GTF2A1: variants seen among roughly 807,000 people sequenced by gnomAD.
The protein encoded by GTF2A1 is general transcription factor IIA subunit 1.
A neutral mutation model predicts 54.1 loss-of-function variants in GTF2A1; 12 were observed. The ratio of observed to expected loss-of-function variants is 0.22; its 90% CI spans 0.14 to 0.36. The LOEUF (loss-of-function observed/expected upper bound fraction) is 0.36, where lower values mean the gene tolerates loss of function less well. GTF2A1 is among the 10% of genes least tolerant of loss of function. The pLI is 1.00. For synonymous variants in GTF2A1, 145 were observed against 152.0 expected, an observed-to-expected ratio of 0.95 and a Z score of 0.34; for missense variants, 335 against 442.2, an observed-to-expected ratio of 0.76 and a Z score of 2.17.
rs1053929040 is a variant in GTF2A1, at chr14:81,177,784, A to G, written c.*2439T>C. The G allele has an allele frequency of 6.6e-6, 1 of 152,164 alleles. No homozygotes were observed. The highest frequency in any genetic ancestry group is 1.5e-5 in the Non-Finnish European group (1 of 67,990). The allele number at this position is 152,164 out of a possible 1,614,324, so 9.4% of individuals were successfully genotyped here. On this transcript the variant is annotated 3_prime_UTR_variant, in exon 9 of 9. Coordinates refer to ENST00000553612, the MANE Select transcript of GTF2A1 (RefSeq NM_015859.4). Reference sequence around the variant, plus strand: ...TGTTAAAAGCATGATTAAGAATTCAAGTACAATAAAAGATAAGCAAGTGAC... The same window carrying G: ...TGTTAAAAGCATGATTAAGAATTCAGGTACAATAAAAGATAAGCAAGTGAC...
rs1054442442 is a variant in GTF2A1, at chr14:81,179,918, A to G, written c.*305T>C. The G allele has an allele frequency of 1.6e-5, 3 of 184,304 alleles. No homozygotes were observed. The highest frequency in any genetic ancestry group is 3.4e-5 in the Non-Finnish European group (3 of 89,382). The allele number at this position is 184,304 out of a possible 1,614,324, so 11.4% of individuals were successfully genotyped here. Reference sequence around the variant, plus strand: ...TTGAACCCAAGTTGGAGGAAGGAATATAGACAAAGCTTTACATGCTAATTA... The same window carrying G: ...TTGAACCCAAGTTGGAGGAAGGAATGTAGACAAAGCTTTACATGCTAATTA... On this transcript the variant is annotated 3_prime_UTR_variant, in exon 9 of 9. Coordinates refer to ENST00000553612, the MANE Select transcript of GTF2A1 (RefSeq NM_015859.4).
intron 4 of GTF2A1, 80 bp from the exon 5 acceptor site, chr14:81,197,564 G>C (rs950988792): frequency 2.3e-5 from 18 of 773,836 alleles, no homozygotes; most frequent in Non-Finnish European, 3.6e-5. Context: ...AATAGTGTAT[G>C]AAACTTTTTG....
At position 81,195,400 on chromosome 14, in the gene GTF2A1, G is replaced by A. The variant is rs536662035; in HGVS notation, c.612+708C>T. Among the ~76,000 whole-genome samples, 6 of 151,768 alleles carry A rather than the reference G, an allele frequency of 4.0e-5. No homozygotes were observed. In the East Asian group the frequency reaches 7.8e-4, roughly 20 times the overall value. The stretch of plus-strand genomic sequence containing the variant: ...TGTAATCCCAGCACTTTGGGAGGCC[G>A]AGGCGGGTGGATCACAAGGTAAGGA... On this transcript the variant is annotated intron_variant, in intron 6 of 8. Transcript: ENST00000553612.
chr14:81,209,342 A>T (rs531021022), intron 2 of GTF2A1, among the ~76,000 whole-genome samples: 16 of 152,156 alleles, frequency 1.1e-4, no homozygotes, highest in Admixed American at 8.5e-4. Context: ...AGAGCCTTTC[A>T]CTTCCCACTA....
chr14:81,191,065 A>G (rs1419641417), intron 7 of GTF2A1, among the ~76,000 whole-genome samples: 1 of 152,166 alleles, frequency 6.6e-6, no homozygotes, highest in Non-Finnish European at 1.5e-5. Context: ...TTCTATACAA[A>G]ACACAAATAT....
At chr14:81,212,170 C>T (rs1893385937) in intron 2 of GTF2A1, among the ~76,000 whole-genome samples, 1 of 151,964 alleles carries the variant, frequency 6.6e-6, no homozygotes, top group South Asian at 2.1e-4. Flanking sequence ...AGATATACTT[C>T]CAATTGAGGC....
intron 8 of GTF2A1, among the ~76,000 whole-genome samples, chr14:81,181,327 T>C (rs973153873): frequency 2.0e-5 from 3 of 149,476 alleles, no homozygotes; most frequent in Non-Finnish European, 4.4e-5. Context: ...CCCTATTCTA[T>C]GATCTAAAGG....
At chr14:81,213,709 T>A (rs1027753418) in intron 2 of GTF2A1, among the ~76,000 whole-genome samples, 2 of 152,214 alleles carry the variant, frequency 1.3e-5, no homozygotes, top group Non-Finnish European at 2.9e-5. Flanking sequence ...TTAGCACTCT[T>A]ACACTTGTAT....
intron 3 of GTF2A1, among the ~76,000 whole-genome samples, 162 bp downstream of exon 3, chr14:81,203,737 AG>A (rs1384146560): frequency 5.3e-5 from 8 of 152,198 alleles, no homozygotes; most frequent in Non-Finnish European, 1.0e-4. Flanking sequence ...GCCAAGAGAA[AG>A]GGGGGAAAAA....
intron 8 of GTF2A1, among the ~76,000 whole-genome samples, chr14:81,184,982 A>C (rs1258434727): frequency 6.6e-6 from 1 of 152,206 alleles, no homozygotes; most frequent in Non-Finnish European, 1.5e-5. Context: ...GAAAATAAGG[A>C]ATCAATGGCT....
In GTF2A1 at chr14:81,203,807, AG is replaced by A. The variant is rs1336179709; in HGVS notation, c.337+92del. The A allele has an allele frequency of 5.3e-6, 6 of 1,125,642 alleles. No homozygotes were observed. The African/African-American group carries it at 9.2e-5, about 17-fold the overall frequency. 69.7% of individuals were successfully genotyped at this position (1,125,642 alleles called of 1,614,324 possible). On this transcript the variant is annotated intron_variant, in intron 3 of 8. Transcript: ENST00000553612. ...TTAGGTTCTCCATGTGCCCCTTAAA[AG>A]ACAAGATCCAAAAAATGCAGAATAT...
chr14:81,201,941 C>T (rs1893121130), intron 3 of GTF2A1, among the ~76,000 whole-genome samples: 1 of 152,086 alleles, frequency 6.6e-6, no homozygotes, highest in African/African-American at 2.4e-5. Flanking sequence ...GGGTGGATCA[C>T]TTGAGGTCAG....
chr14:81,211,253 C>T (rs1232748355), intron 2 of GTF2A1, among the ~76,000 whole-genome samples: 2 of 152,172 alleles, frequency 1.3e-5, no homozygotes, highest in African/African-American at 4.8e-5. Context: ...CCTCACTTGC[C>T]TCCCTTTAAT....
intron 7 of GTF2A1, among the ~76,000 whole-genome samples, chr14:81,186,720 G>T (rs983532770): frequency 6.6e-6 from 1 of 152,028 alleles, no homozygotes; most frequent in South Asian, 2.1e-4. Context: ...TGGCCTAGGC[G>T]GGACAATCAC....
intron 2 of GTF2A1, among the ~76,000 whole-genome samples, chr14:81,207,141 ACCTACCTACCTACC>A (rs1893251839): frequency 3.2e-4 from 5 of 15,820 alleles, no homozygotes; most frequent in African/African-American, 8.6e-4. Context: ...CTACCTACGT[ACCTACCTACCTACC>A]TACCTACCTA....
At chr14:81,206,046 T>C (rs908492285) in intron 2 of GTF2A1, among the ~76,000 whole-genome samples, 4 of 152,276 alleles carry the variant, frequency 2.6e-5, no homozygotes, top group African/African-American at 9.6e-5. Flanking sequence ...GTCTTATTAA[T>C]GTTTTGTTTA....
At chr14:81,193,176 T>C (rs1196097212) in intron 6 of GTF2A1, among the ~76,000 whole-genome samples, 2 of 151,762 alleles carry the variant, frequency 1.3e-5, no homozygotes, top group African/African-American at 4.8e-5. Context: ...CCTTTTTTTT[T>C]TTTTTTTATA....
At chr14:81,196,360 A>T in intron 5 of GTF2A1, 119 bp from the exon 6 acceptor site, 1 of 1,030,136 alleles carries the variant, frequency 9.7e-7, no homozygotes, top group Non-Finnish European at 1.5e-6. Flanking sequence ...AAAACTAACA[A>T]TTTTATTAAA....
chr14:81,214,505 G>A (rs1443507903), intron 2 of GTF2A1, among the ~76,000 whole-genome samples: 1 of 151,960 alleles, frequency 6.6e-6, no homozygotes, highest in East Asian at 1.9e-4. Flanking sequence ...AATTAGCCAG[G>A]CGTCGTGGCG....
Sources: gnomAD v4.1 joint callset for allele counts (sites outside exome capture counted in the v4.1 genomes callset) on GRCh38, gnomAD v4.1.1 for gene constraint, MANE v1.5 for transcripts, NCBI Gene and HGNC (gene_info 2026-07-23, HGNC 2026-07-21) for gene names.